Variants in MXI1 observed in about 807,000 individuals in gnomAD.
MXI1 encodes the protein MAX interactor 1, dimerization protein, also known as max-interacting protein 1.
Under a neutral mutation model 36.9 loss-of-function variants are expected in MXI1, and 18 were observed. The ratio of observed to expected loss-of-function variants is 0.49; its 90% CI spans 0.34 to 0.72. The LOEUF (loss-of-function observed/expected upper bound fraction) is 0.72. MXI1 is among the 30% of genes least tolerant of loss of function. The probability of loss-of-function intolerance (pLI) is 0.01; values close to 1 mark genes in which losing one functional copy is unlikely to be tolerated. For synonymous variants in MXI1, 160 were observed against 146.7 expected, an observed-to-expected ratio of 1.09 and a Z score of -0.65; for missense variants, 304 against 379.1, an observed-to-expected ratio of 0.80 and a Z score of 1.64.
chr10:110,250,846 A>T lies in MXI1; in HGVS notation c.437+5989A>T, dbSNP rs963372201. ...GACTTTGTCAAAAAAAAAAAAAAAA[A>T]AATAACAACTTTAACAGGACTCTGA... On this transcript the variant is annotated intron_variant, in intron 3 of 5. Coordinates refer to ENST00000332674, the MANE Select transcript of MXI1 (RefSeq NM_130439.3). Among the ~76,000 whole-genome samples, 38 of 150,750 alleles carry T rather than the reference A, an allele frequency of 2.5e-4. No individual in the cohort carries two copies. The Middle Eastern group carries it at 0.01, about 40-fold the overall frequency.
chr10:110,208,004 A>C lies in MXI1; in HGVS notation c.196A>C (p.Ile66Leu), dbSNP rs762075502. ...CAGCGAGAACTCGATGGAGAAGCAC[A>C]TCAACACTTTTCTGCAGAACGTGCA... ...NTSENSMEKH[I>L]NTFLQNVQIL... The change falls in exon 1 of 6, where the codon ATC becomes CTC. Residue 66 changes from isoleucine to leucine, a missense_variant. By Grantham distance (5) the Ile-to-Leu change is conservative. Transcript: ENST00000332674. 1.1e-5 allele frequency: 17 copies of C among 1,603,984 alleles called. No individual in the cohort carries two copies. In the Admixed American group the frequency reaches 1.2e-4, roughly 11 times the overall value.
chr10:110,232,353 C>T (rs1855304606), intron 2 of MXI1, among the ~76,000 whole-genome samples: 5 of 152,148 alleles, frequency 3.3e-5, no homozygotes, highest in African/African-American at 1.2e-4. Context: ...CTGTTCCCTG[C>T]AGGGAATCAT....
chr10:110,208,748 C>T lies in MXI1; in HGVS notation c.274+666C>T, dbSNP rs999956173. On this transcript the variant is annotated intron_variant, in intron 1 of 5. Transcript: ENST00000332674. ...CGTGGGGTGCCACCGCCGCCCCCCC[C>T]CCCCCAAAGAAGGAGGCCGGCGGGG... Among the ~76,000 whole-genome samples the T allele has an allele frequency of 1.7e-4, 26 of 148,668 alleles. 3 individuals are homozygous for T. The highest frequency in any genetic ancestry group is 6.1e-4 in the African/African-American group (24 of 39,356).
intron 3 of MXI1, among the ~76,000 whole-genome samples, chr10:110,253,609 A>G (rs1856179465): frequency 1.3e-5 from 2 of 152,130 alleles, no homozygotes; most frequent in Admixed American, 1.3e-4. Flanking sequence ...TACCTCAACT[A>G]ATAGTACTTA....
intron 1 of MXI1, chr10:110,226,087 C>T (rs1854956817): frequency 5.5e-6 from 6 of 1,092,136 alleles, no homozygotes; most frequent in South Asian, 8.8e-5. Flanking sequence ...CGAGCCGCGG[C>T]CGAGCTGGCC....
intron 4 of MXI1, among the ~76,000 whole-genome samples, chr10:110,279,656 C>T (rs1857164443): frequency 6.6e-6 from 1 of 152,212 alleles, no homozygotes; most frequent in Non-Finnish European, 1.5e-5. Flanking sequence ...GATTACTTTA[C>T]AGACTTTTAG....
intron 1 of MXI1, among the ~76,000 whole-genome samples, chr10:110,212,516 C>A (rs553038251): frequency 5.3e-4 from 80 of 152,334 alleles, no homozygotes; most frequent in African/African-American, 1.8e-3. Context: ...TCAGTTTCCA[C>A]CTCCTCCAGG....
chr10:110,283,502 G>A (rs1857333656), intron 5 of MXI1, among the ~76,000 whole-genome samples: 1 of 151,496 alleles, frequency 6.6e-6, no homozygotes, highest in Admixed American at 6.6e-5. Flanking sequence ...CTGACCTCGT[G>A]ATCCACCTGC....
intron 3 of MXI1, among the ~76,000 whole-genome samples, chr10:110,275,965 TA>T (rs35957473): frequency 1.3e-5 from 2 of 151,808 alleles, no homozygotes; most frequent in Non-Finnish European, 2.9e-5. Context: ...CAGTAGTGGC[TA>T]AAAAAAATAT....
At chr10:110,247,425 C>T (rs1172822788) in intron 3 of MXI1, among the ~76,000 whole-genome samples, 1 of 152,076 alleles carries the variant, frequency 6.6e-6, no homozygotes, top group African/African-American at 2.4e-5. Context: ...CTTTTGTTGC[C>T]ATTGCTTTTG....
intron 1 of MXI1, among the ~76,000 whole-genome samples, chr10:110,208,745 C>G (rs904372547): frequency 1.3e-5 from 2 of 148,622 alleles, no homozygotes; most frequent in Non-Finnish European, 3.0e-5. Context: ...CCGCCGCCCC[C>G]CCCCCCCCAA....
At chr10:110,227,876 G>A in intron 1 of MXI1, 2 of 344,794 alleles carry the variant, frequency 5.8e-6, no homozygotes, top group Non-Finnish European at 1.1e-5. Context: ...AGTCAATGAG[G>A]TGAATGGTAA....
At chr10:110,282,819 T>C (rs943067957) in intron 5 of MXI1, among the ~76,000 whole-genome samples, 1 of 152,164 alleles carries the variant, frequency 6.6e-6, no homozygotes, top group African/African-American at 2.4e-5. Flanking sequence ...TTTGTTTTTT[T>C]GGGTTTTTAA....
At chr10:110,236,621 C>G (rs1226528775) in intron 2 of MXI1, among the ~76,000 whole-genome samples, 2 of 152,074 alleles carry the variant, frequency 1.3e-5, no homozygotes, top group African/African-American at 4.8e-5. Context: ...CTCCCACACT[C>G]TGCTAATTTT....
intron 3 of MXI1, among the ~76,000 whole-genome samples, chr10:110,276,843 CT>C (rs919282794): frequency 9.4e-4 from 132 of 140,326 alleles, no homozygotes; most frequent in African/African-American, 1.1e-3. Context: ...CTTTTCTTTT[CT>C]TTTTTTTTTT....
intron 3 of MXI1, among the ~76,000 whole-genome samples, chr10:110,272,068 T>C (rs1318943574): frequency 1.3e-5 from 2 of 152,184 alleles, no homozygotes; most frequent in African/African-American, 2.4e-5. Context: ...TAGTGATGTG[T>C]TGTGATTTGC....
chr10:110,226,812 T>A (rs111210002), intron 1 of MXI1, among the ~76,000 whole-genome samples: 971 of 6,086 alleles, frequency 0.16, 227 homozygotes, highest in African/African-American at 0.66. Flanking sequence ...GGGAGGGGCG[T>A]GCACATGTGA....
intron 5 of MXI1, among the ~76,000 whole-genome samples, chr10:110,280,687 A>AG (rs1324329154): frequency 6.6e-6 from 1 of 152,036 alleles, no homozygotes. Context: ...CTCAAAAAAA[A>AG]AAAAAAGAAA....
At chr10:110,223,328 G>A (rs1426714887) in intron 1 of MXI1, among the ~76,000 whole-genome samples, 1 of 152,078 alleles carries the variant, frequency 6.6e-6, no homozygotes, top group East Asian at 1.9e-4. Context: ...ATTTGTCCTG[G>A]CCAGGGACAC....
Sources: gnomAD v4.1 joint callset for allele counts (sites outside exome capture counted in the v4.1 genomes callset) on GRCh38, gnomAD v4.1.1 for gene constraint, MANE v1.5 for transcripts, NCBI Gene and HGNC (gene_info 2026-07-23, HGNC 2026-07-21) for gene names.